Variants in PLA2G7 observed in about 807,000 individuals in gnomAD.
PLA2G7 encodes phospholipase A2 group VII.
A neutral mutation model predicts 49.6 loss-of-function variants in PLA2G7; 63 were observed. The observed-to-expected ratio is 1.27, with a 90% CI of 1.04 to 1.57. PLA2G7 has a LOEUF of 1.57. Ranked by LOEUF, PLA2G7 falls within the 40% of genes most tolerant of loss-of-function variation. The pLI, the probability that PLA2G7 is intolerant of heterozygous loss-of-function variation, is 0.00. For missense variants in PLA2G7, 596 were observed against 521.2 expected (o/e 1.14, Z -1.40); for synonymous variants, 193 against 169.9 (o/e 1.14, Z -1.06).
In PLA2G7 at chr6:46,705,356, TTTAG is replaced by T. The variant is rs1317071820; in HGVS notation, c.1041-59_1041-56del. On this transcript the variant is annotated intron_variant, in intron 10 of 11. Transcript: ENST00000274793. The stretch of plus-strand genomic sequence containing the variant: ...CATTGTTTGATAAAATTATTATTTT[TTTAG>T]TTAGAGTGTAAGAAAGGTACTGGTC... 1.0e-5 allele frequency: 15 copies of T among 1,455,634 alleles called. No individual in the cohort carries two copies. In the African/African-American group the frequency reaches 1.1e-4, roughly 11 times the overall value. 90.2% of individuals were successfully genotyped at this position (1,455,634 alleles called of 1,614,324 possible). A position where few individuals can be genotyped will look rare whatever the true frequency, so the allele number is the denominator to read the frequency against.
chr6:46,731,402 T>A (rs534588618), intron 1 of PLA2G7, among the ~76,000 whole-genome samples: 9 of 152,338 alleles, frequency 5.9e-5, no homozygotes, highest in African/African-American at 2.2e-4. Flanking sequence ...GATATCTGCA[T>A]GACCACAGCC....
chr6:46,712,397 A>C, intron 5 of PLA2G7, 60 bp from the exon 6 acceptor site: 1 of 1,266,908 alleles, frequency 7.9e-7, no homozygotes, highest in Non-Finnish European at 1.2e-6. Context: ...GGCTGAGTCC[A>C]CTAATAAAAC....
chr6:46,704,441 TTCTCTCTCTCTCTCTC>T lies in PLA2G7; in HGVS notation c.*103_*118del, dbSNP rs368946627. On this transcript the variant is annotated 3_prime_UTR_variant, in exon 12 of 12. Coordinates refer to ENST00000274793, the MANE Select transcript of PLA2G7 (RefSeq NM_005084.4). ...AGTCCTTTGGGAAAATACATTAAAA[TTCTCTCTCTCTCTCTC>T]TCTCTCTCTCTCTCTCTCTCTCACA... 5.8e-5 allele frequency: 32 copies of T among 552,846 alleles called. No homozygotes were observed. The highest frequency in any genetic ancestry group is 3.5e-4 in the African/African-American group (18 of 51,064). The allele number at this position is 552,846 out of a possible 1,614,324, so 34.2% of individuals were successfully genotyped here.
intron 8 of PLA2G7, among the ~76,000 whole-genome samples, chr6:46,710,180 G>C (rs1209270067): frequency 6.6e-6 from 1 of 152,094 alleles, no homozygotes; most frequent in African/African-American, 2.4e-5. Context: ...TGCCCACTCT[G>C]TCTGATATTT....
intron 3 of PLA2G7, 138 bp downstream of exon 3, chr6:46,716,837 C>G (rs1222850019): frequency 2.3e-6 from 2 of 866,794 alleles, no homozygotes; most frequent in African/African-American, 3.3e-5. Flanking sequence ...CTAGTAAAAG[C>G]CTTCATATGA....
At chr6:46,724,153 C>T (rs966865696) in intron 1 of PLA2G7, among the ~76,000 whole-genome samples, 1 of 152,210 alleles carries the variant, frequency 6.6e-6, no homozygotes, top group Non-Finnish European at 1.5e-5. Context: ...TGCAATCTAA[C>T]CTCCTTCTTC....
intron 1 of PLA2G7, among the ~76,000 whole-genome samples, chr6:46,733,396 G>A (rs116664657): frequency 1.8e-3 from 267 of 152,230 alleles, no homozygotes; most frequent in African/African-American, 6.2e-3. Context: ...AAAATGAGTG[G>A]CTGAACCAGA....
Position 46,709,412 on chromosome 6 carries a change from T to C in PLA2G7, c.784A>G (p.Ile262Val). The C allele has an allele frequency of 1.3e-6, 2 of 1,566,296 alleles. No individual in the cohort carries two copies. Among genetic ancestry groups the C allele is most frequent in the Non-Finnish European group, 1.8e-6 (2 of 1,136,918 alleles). ...ATTACTGCTATTTTTTCCCTATCAA[T>C]AGAGTCCTATTTGAAAAAGCATGAT... ...KFDMEQLKDS[I>V]DREKIAVIGH... Residue 262 changes from isoleucine (I) to valine (V), a missense_variant, in exon 9 of 12, where the codon ATT (isoleucine) becomes GTT (valine). Coordinates refer to ENST00000274793, the MANE Select transcript of PLA2G7 (RefSeq NM_005084.4).
intron 10 of PLA2G7, among the ~76,000 whole-genome samples, chr6:46,707,563 T>A (rs1764868110): frequency 6.6e-6 from 1 of 152,134 alleles, no homozygotes. Flanking sequence ...CCTTCACCCA[T>A]CCCTCTCTTC....
chr6:46,720,787 AT>A (rs1486743776), intron 2 of PLA2G7, among the ~76,000 whole-genome samples: 1 of 152,140 alleles, frequency 6.6e-6, no homozygotes, highest in African/African-American at 2.4e-5. Flanking sequence ...GGTGGTTTTC[AT>A]TTGTCAAATA....
rs551993508 is a variant in PLA2G7 at position 46,709,897 on chromosome 6, A to G, written c.778-479T>C. On this transcript the variant is annotated intron_variant, in intron 8 of 11. Coordinates refer to ENST00000274793, the MANE Select transcript of PLA2G7 (RefSeq NM_005084.4). ...AGCACACATGACAGACAGCGAGCCC[A>G]GTCCAGAAGTGGGTATTGGGGTCCA... Among the ~76,000 whole-genome samples the G allele has an allele frequency of 2.2e-4, 33 of 152,300 alleles. No individual in the cohort carries two copies. In the South Asian group the frequency reaches 2.5e-3, roughly 11 times the overall value.
rs1365499510 is a variant in PLA2G7 at position 46,708,058 on chromosome 6, G to A, written c.973C>T (p.Pro325Ser). Residue 325 changes from proline to serine, a missense_variant, in exon 10 of 12, where the codon CCT becomes TCT. Pro to Ser is a moderately conservative substitution (Grantham distance 74). Transcript: ENST00000274793. ...FFINSEYFQY[P>S]ANIIKMKKCY... is the part of the protein sequence containing the mutation. Reference sequence around the variant, plus strand: ...TTTTTCATTTTTATGATATTAGCAGGATATTGGAAATATTCAGAGTTGATA... The same window carrying A: ...TTTTTCATTTTTATGATATTAGCAGAATATTGGAAATATTCAGAGTTGATA... 1.3e-6 allele frequency: 2 copies of A among 1,591,250 alleles called. No homozygotes were observed. Among genetic ancestry groups the A allele is most frequent in the Admixed American group, 3.3e-5 (2 of 59,906 alleles).
chr6:46,731,221 T>C (rs1765725203), intron 1 of PLA2G7, among the ~76,000 whole-genome samples: 1 of 152,290 alleles, frequency 6.6e-6, no homozygotes, highest in East Asian at 1.9e-4. Flanking sequence ...ACTTTAAAAC[T>C]TCCTGACACT....
intron 6 of PLA2G7, 22 bp downstream of exon 6, chr6:46,712,247 C>T: frequency 6.5e-7 from 1 of 1,542,342 alleles, no homozygotes; most frequent in Non-Finnish European, 9.0e-7. Flanking sequence ...GCCAAAGAGC[C>T]CAATTATATC....
Position 46,721,216 on chromosome 6 carries a change from A to AT in PLA2G7, c.109+1566dup, listed in dbSNP as rs1017880399. 6.7e-3 allele frequency among the ~76,000 whole-genome samples: 976 copies of AT among 145,598 alleles called. 4 individuals carry two copies. The highest frequency in any genetic ancestry group is 7.3e-3 in the Non-Finnish European group (477 of 65,758). On this transcript the variant is annotated intron_variant, in intron 2 of 11. Coordinates refer to ENST00000274793, the MANE Select transcript of PLA2G7 (RefSeq NM_005084.4). ...CCACCACACCCAGCTAATTTTATGT[A>AT]TTTTTTTTTTTAATATAGACGGGGT...
chr6:46,711,409 T>C, intron 7 of PLA2G7, 87 bp downstream of exon 7: 1 of 1,424,264 alleles, frequency 7.0e-7, no homozygotes, highest in Non-Finnish European at 9.9e-7. Context: ...GAGCATAACT[T>C]GCCAGGTGTA....
intron 5 of PLA2G7, 113 bp from the exon 6 acceptor site, chr6:46,712,450 G>A: frequency 1.3e-6 from 1 of 766,294 alleles, no homozygotes; most frequent in Non-Finnish European, 2.3e-6. Context: ...AGTGCCCTGG[G>A]GTGGAGTGGA....
intron 3 of PLA2G7, among the ~76,000 whole-genome samples, 153 bp from the exon 4 acceptor site, chr6:46,716,681 TA>T (rs1765212962): frequency 6.6e-6 from 1 of 152,196 alleles, no homozygotes; most frequent in East Asian, 1.9e-4. Flanking sequence ...TGATTGAAGA[TA>T]GTCATGAAAG....
chr6:46,709,296 A>G (rs749246567), intron 9 of PLA2G7, 31 bp downstream of exon 9: 1 of 1,174,474 alleles, frequency 8.5e-7, no homozygotes. Context: ...ATAATTTACT[A>G]TTCTCTTGCT....
Sources: gnomAD v4.1 joint callset for allele counts (sites outside exome capture counted in the v4.1 genomes callset) on GRCh38, gnomAD v4.1.1 for gene constraint, MANE v1.5 for transcripts, NCBI Gene and HGNC (gene_info 2026-07-23, HGNC 2026-07-21) for gene names.